The following CREB3L3 variants were observed in gnomAD, a reference collection of about 807,000 sequenced individuals.
CREB3L3 encodes cyclic AMP-responsive element-binding protein 3-like protein 3.
Under a neutral mutation model 44.6 loss-of-function variants are expected in CREB3L3, and 40 were observed. That is an observed-to-expected ratio of 0.90 (90% CI 0.70 to 1.17). The LOEUF (loss-of-function observed/expected upper bound fraction) is 1.17, where lower values mean the gene tolerates loss of function less well. Among genes scored for constraint, CREB3L3 ranks in the 50% most tolerant of loss-of-function variants. The pLI is 0.00. For missense variants in CREB3L3, 578 were observed against 595.8 expected, an observed-to-expected ratio of 0.97 and a Z score of 0.31; for synonymous variants, 273 against 256.3, an observed-to-expected ratio of 1.06 and a Z score of -0.62.
chr19:4,166,580 G>C (rs148199792), intron 5 of CREB3L3, among the ~76,000 whole-genome samples: 8 of 147,836 alleles, frequency 5.4e-5, no homozygotes, highest in Non-Finnish European at 1.2e-4. Flanking sequence ...TTTTTCCTTA[G>C]AGACAGGGTC....
In CREB3L3 at chr19:4,170,228, G is replaced by A; in HGVS notation, c.890+20G>A. The stretch of plus-strand genomic sequence containing the variant: ...AAACCTGTGAGTCTGGGTCCAGCTG[G>A]GGCAGAGGACAGGGGAAGCAGCCCC... On this transcript the variant is annotated intron_variant, in intron 7 of 9. Coordinates refer to ENST00000078445, the MANE Select transcript of CREB3L3 (RefSeq NM_032607.3). 6.2e-7 allele frequency: 1 copy of A among 1,613,566 alleles called. No homozygotes were observed. The highest frequency in any genetic ancestry group is 8.5e-7 in the Non-Finnish European group (1 of 1,179,552).
chr19:4,154,817 A>G, intron 1 of CREB3L3, 82 bp from the exon 2 acceptor site: 2 of 1,602,468 alleles, frequency 1.2e-6, no homozygotes, highest in Middle Eastern at 1.7e-4. Context: ...CTCTAGCCGG[A>G]AAGAGCCAGG....
rs1424250063 is a variant in CREB3L3 at position 4,173,041 on chromosome 19, G to A, written c.*1072G>A. 6.6e-6 allele frequency: 1 copy of A among 152,582 alleles called. No homozygotes were observed. The highest frequency in any genetic ancestry group is 1.5e-5 in the Non-Finnish European group (1 of 68,328). 9.5% of individuals were successfully genotyped at this position (152,582 alleles called of 1,614,324 possible). A position where few individuals can be genotyped will look rare whatever the true frequency, so the allele number is the denominator to read the frequency against. On this transcript the variant is annotated 3_prime_UTR_variant, in exon 10 of 10. Coordinates refer to ENST00000078445, the MANE Select transcript of CREB3L3 (RefSeq NM_032607.3). ...CTAAGACTGCCTGATCCGAAATAAAGTATTTTGACAGAACCTTGTTTTGGT... is the reference window on the plus strand; with the variant it reads ...CTAAGACTGCCTGATCCGAAATAAAATATTTTGACAGAACCTTGTTTTGGT...
At chr19:4,169,791 G>A (rs1294718074) in intron 6 of CREB3L3, among the ~76,000 whole-genome samples, 1 of 151,758 alleles carries the variant, frequency 6.6e-6, no homozygotes, top group Non-Finnish European at 1.5e-5. Context: ...TACAGGCAGG[G>A]TTTCACCATG....
chr19:4,171,867 A>C lies in CREB3L3; in HGVS notation c.1284A>C (p.Ala428=). The C allele has an allele frequency of 6.2e-7, 1 of 1,613,466 alleles. No homozygotes were observed. ...ACGCCACCCTGGTCCTGAGGAATGC[A>C]ACAGAGGGGCTGGGCCAGGTCGCCC... ...LDNATLVLRN[A]TEGLGQVALL... The change falls in exon 10 of 10, where the codon GCA becomes GCC. Residue 428 remains alanine (A), a synonymous_variant. Coordinates refer to ENST00000078445, the MANE Select transcript of CREB3L3 (RefSeq NM_032607.3). The surrounding 1 kb of genome is among the most constrained non-coding windows in gnomAD (Gnocchi z 4.9).
rs552568751 is a variant in CREB3L3 at position 4,164,393 on chromosome 19, C to T, written c.577-110C>T. ...TAAGTGCTGGGATGACAGGCGTGAG[C>T]CACCACACCCAGCCTGGGGTGATAG... On this transcript the variant is annotated intron_variant, in intron 4 of 9. Coordinates refer to ENST00000078445, the MANE Select transcript of CREB3L3 (RefSeq NM_032607.3). 17 of 1,391,018 alleles carry T rather than the reference C, an allele frequency of 1.2e-5. No homozygotes were observed. The African/African-American group carries it at 2.4e-4, about 20-fold the overall frequency. 86.2% of individuals were successfully genotyped at this position (1,391,018 alleles called of 1,614,324 possible).
In CREB3L3 at chr19:4,168,351, T is replaced by C; in HGVS notation, c.715T>C (p.Tyr239His). ...CCCTCCTCCCCATTTCACTTGGCAG[T>C]ACGAGGAGCGAGTGCTGAAAAAAAT... is the stretch of plus-strand genomic sequence containing the variant. Reference protein sequence around the residue: ...TLPTQLPLTKYEERVLKKIRR... With the variant: ...TLPTQLPLTKHEERVLKKIRR... Residue 239 changes from tyrosine (Y) to histidine (H), a missense_variant and splice_region_variant, in exon 6 of 10, where the codon TAC becomes CAC. Coordinates refer to ENST00000078445, the MANE Select transcript of CREB3L3 (RefSeq NM_032607.3). 6.2e-7 allele frequency: 1 copy of C among 1,607,754 alleles called. No homozygotes were observed. The highest frequency in any genetic ancestry group is 8.5e-7 in the Non-Finnish European group (1 of 1,176,154).
Position 4,159,750 on chromosome 19 carries a change from G to C in CREB3L3, c.544G>C (p.Asp182His), listed in dbSNP as rs140312652. 11 of 1,576,946 alleles carry C rather than the reference G, an allele frequency of 7.0e-6. No individual in the cohort carries two copies. The South Asian group carries it at 1.2e-4, about 17-fold the overall frequency. The change falls in exon 4 of 10, where the codon GAC (aspartate) becomes CAC (histidine). Residue 182 changes from aspartate (D) to histidine (H), a missense_variant. Coordinates refer to ENST00000078445, the MANE Select transcript of CREB3L3 (RefSeq NM_032607.3). ...CCCACGATGCAATCTCACCGTGAAA[G>C]ACCTCCTCCTTTCGGGCAGCAGTGG... ...LSPRCNLTVK[D>H]LLLSGSSGDL...
chr19:4,163,351 A>AGAAAGAAAGAAAGAAAGAAAGAAGGAAG (rs535753131), intron 4 of CREB3L3, among the ~76,000 whole-genome samples: 74 of 117,262 alleles, frequency 6.3e-4, no homozygotes, highest in East Asian at 2.8e-3. Flanking sequence ...AAAGAAAGAA[A>AGAAAGAAAGAAAGAAAGAAAGAAGGAAG]GAAGGAAGGA....
chr19:4,172,254 G>A lies in CREB3L3; in HGVS notation c.*285G>A. The A allele has an allele frequency of 1.8e-6, 1 of 559,346 alleles. No homozygotes were observed. Among genetic ancestry groups the A allele is most frequent in the Non-Finnish European group, 3.2e-6 (1 of 313,768 alleles). The allele number at this position is 559,346 out of a possible 1,614,324, so 34.6% of individuals were successfully genotyped here. ...ACACATACAGCCTGAAACAGACCTG[G>A]ACAGACAGACACAGCCTGAAACAGA... On this transcript the variant is annotated 3_prime_UTR_variant, in exon 10 of 10. Transcript: ENST00000078445.
chr19:4,163,962 G>A (rs575652454), intron 4 of CREB3L3, among the ~76,000 whole-genome samples: 309 of 148,826 alleles, frequency 2.1e-3, no homozygotes, highest in African/African-American at 7.2e-3. Flanking sequence ...CGCCACCATG[G>A]TCGGGTAATT....
intron 5 of CREB3L3, among the ~76,000 whole-genome samples, chr19:4,166,177 C>G (rs554007048): frequency 6.6e-6 from 1 of 151,814 alleles, no homozygotes; most frequent in African/African-American, 2.4e-5. Flanking sequence ...CAACTTCCCC[C>G]TCTGGAGTAC....
In CREB3L3 at chr19:4,171,784, G is replaced by A. The variant is rs768573504; in HGVS notation, c.1201G>A (p.Ala401Thr). ...AGAAGAGTCTCCAGGAAGCCCCGGG[G>A]CAGACTGGGGCTTCCAGGACACCGC... is the stretch of plus-strand genomic sequence containing the variant. ...TREESPGSPG[A>T]DWGFQDTANL... The change falls in exon 10 of 10, where the codon GCA becomes ACA. Residue 401 changes from alanine (A) to threonine (T), a missense_variant. Coordinates refer to ENST00000078445, the MANE Select transcript of CREB3L3 (RefSeq NM_032607.3). This position sits in a 1 kb window ranked among gnomAD's most constrained non-coding sequence, Gnocchi z 4.9. 7 of 1,613,346 alleles carry A rather than the reference G, an allele frequency of 4.3e-6. No homozygotes were observed. The highest frequency in any genetic ancestry group is 5.9e-6 in the Non-Finnish European group (7 of 1,180,010).
chr19:4,165,706 C>G (rs1245467469), intron 5 of CREB3L3, among the ~76,000 whole-genome samples: 1 of 151,668 alleles, frequency 6.6e-6, no homozygotes, highest in Non-Finnish European at 1.5e-5. Flanking sequence ...ACTAAAATTA[C>G]AAAAATTAGC....
intron 2 of CREB3L3, among the ~76,000 whole-genome samples, chr19:4,156,180 C>T (rs2041573284): frequency 1.6e-5 from 1 of 61,444 alleles, no homozygotes; most frequent in Non-Finnish European, 2.8e-5. Context: ...TTCCTCCCTT[C>T]CTTCCTCTCT....
intron 3 of CREB3L3, among the ~76,000 whole-genome samples, chr19:4,158,114 AG>A (rs2041609540): frequency 1.3e-5 from 2 of 152,238 alleles, no homozygotes; most frequent in Middle Eastern, 3.4e-3. Flanking sequence ...GGCCAGGCAG[AG>A]CCCTGGCTGG....
At chr19:4,157,706 G>A (rs926670806) in intron 3 of CREB3L3, among the ~76,000 whole-genome samples, 12 of 151,798 alleles carry the variant, frequency 7.9e-5, no homozygotes, top group African/African-American at 2.7e-4. Context: ...TATTTTTTGA[G>A]ACAGAGTTTC....
chr19:4,156,848 C>T (rs2041587060), intron 2 of CREB3L3, 147 bp from the exon 3 acceptor site: 1 of 796,068 alleles, frequency 1.3e-6, no homozygotes, highest in Non-Finnish European at 2.0e-6. Context: ...GCCTCAGCAG[C>T]CCCGGGAGGA....
intron 7 of CREB3L3, 100 bp from the exon 8 acceptor site, chr19:4,170,991 T>C: frequency 1.2e-6 from 1 of 803,370 alleles, no homozygotes; most frequent in Non-Finnish European, 2.3e-6. Context: ...GAAGAATGGA[T>C]GGAATTTGGA....
Sources: allele counts gnomAD v4.1 joint callset (sites outside exome capture counted in the v4.1 genomes callset), GRCh38; gene constraint gnomAD v4.1.1; non-coding constraint Gnocchi (gnomAD v3.1); transcripts MANE v1.5; gene names NCBI Gene and HGNC (gene_info 2026-07-23, HGNC 2026-07-21).